The following EIF3F variants were observed in gnomAD, a reference collection of about 807,000 sequenced individuals.
EIF3F encodes the protein eukaryotic translation initiation factor 3 subunit F.
In EIF3F, 8 loss-of-function variants were observed where a neutral mutation model predicts 36.0. The observed-to-expected ratio is 0.22, with a 90% confidence interval of 0.13 to 0.40. The LOEUF is 0.40. EIF3F is among the 10% of genes least tolerant of loss of function. The pLI is 1.00. For missense variants in EIF3F, 430 were observed against 467.6 expected (o/e 0.92, Z 0.74); for synonymous variants, 184 against 188.5 (o/e 0.98, Z 0.19).
intron 7 of EIF3F, 103 bp downstream of exon 7, chr11:7,995,470 A>G (rs1194133381): frequency 1.1e-5 from 11 of 962,100 alleles, no homozygotes; most frequent in Non-Finnish European, 1.9e-5. Flanking sequence ...GGAGTAGGAT[A>G]GAGACAGGGC....
At chr11:7,995,217 A>G (rs1942146866) in intron 6 of EIF3F, 37 bp from the exon 7 acceptor site, 1 of 1,608,240 alleles carries the variant, frequency 6.2e-7, no homozygotes, top group Non-Finnish European at 8.5e-7. Context: ...AGTGGTTATA[A>G]TTAACTGCCT....
At position 7,998,890 on chromosome 11, in the gene EIF3F, C is replaced by T. The variant is rs1025898340; in HGVS notation, c.*2868C>T. 6.6e-6 allele frequency: 1 copy of T among 152,006 alleles called. No individual in the cohort carries two copies. The highest frequency in any genetic ancestry group is 1.5e-5 in the Non-Finnish European group (1 of 68,016). The allele number at this position is 152,006 out of a possible 1,614,324, so 9.4% of individuals were successfully genotyped here. ...TAAATAGCCCAACCTGAACTCATGACCATAGTGTGGTGTTATTACTTAGCG... is the reference window on the plus strand; with the variant it reads ...TAAATAGCCCAACCTGAACTCATGATCATAGTGTGGTGTTATTACTTAGCG... On this transcript the variant is annotated 3_prime_UTR_variant, in exon 8 of 8. Transcript: ENST00000651655.
chr11:7,997,139 A>G lies in EIF3F; in HGVS notation c.*1117A>G, dbSNP rs1299837588. 6.6e-6 allele frequency: 1 copy of G among 152,242 alleles called. No individual in the cohort carries two copies. The highest frequency in any genetic ancestry group is 1.5e-5 in the Non-Finnish European group (1 of 68,040). 9.4% of individuals were successfully genotyped at this position (152,242 alleles called of 1,614,324 possible). On this transcript the variant is annotated 3_prime_UTR_variant, in exon 8 of 8. Transcript: ENST00000651655. ...TACCTCAGGAAATATAAGTTATGGG[A>G]GTCATAAAGTGTGGATAGTAATGAT...
rs918830456 is a variant in EIF3F at position 7,993,142 on chromosome 11, TC to T, written c.653+120del. 1.5e-5 allele frequency: 18 copies of T among 1,175,282 alleles called. No individual in the cohort carries two copies. The African/African-American group carries it at 2.9e-4, about 19-fold the overall frequency. The allele number at this position is 1,175,282 out of a possible 1,614,324, so 72.8% of individuals were successfully genotyped here. A position where few individuals can be genotyped will look rare whatever the true frequency, so the allele number is the denominator to read the frequency against. On this transcript the variant is annotated intron_variant, in intron 4 of 7. Transcript: ENST00000651655. ...CTTGCTGTGTCCTTAGGAAGCCTGT[TC>T]CTCTCTCTCAACAGTTATTCTAAAG... is the stretch of plus-strand genomic sequence containing the variant.
rs912792472 is a variant in EIF3F, at chr11:7,997,792, C to T, written c.*1770C>T. On this transcript the variant is annotated 3_prime_UTR_variant, in exon 8 of 8. Coordinates refer to ENST00000651655, the MANE Select transcript of EIF3F (RefSeq NM_003754.3). ...TGGCTGTCTGTATATGTGGGTTCCA[C>T]ATCTATGGACTCAACCAACTACAGG... 10 of 152,214 alleles carry T rather than the reference C, an allele frequency of 6.6e-5. No individual in the cohort carries two copies. Among genetic ancestry groups the T allele is most frequent in the Non-Finnish European group, 1.5e-5 (1 of 68,032 alleles). 9.4% of individuals were successfully genotyped at this position (152,214 alleles called of 1,614,324 possible).
chr11:7,994,960 C>A (rs768231585), intron 5 of EIF3F, 22 bp from the exon 6 acceptor site: 5 of 1,610,366 alleles, frequency 3.1e-6, no homozygotes, highest in Non-Finnish European at 4.2e-6. Context: ...GCCGCTGCCA[C>A]CCTGCCAACC....
At chr11:7,995,162 T>C (rs2133674408) in intron 6 of EIF3F, 44 bp downstream of exon 6, 2 of 1,608,984 alleles carry the variant, frequency 1.2e-6, no homozygotes, top group Non-Finnish European at 1.7e-6. Flanking sequence ...CATAGTTCTC[T>C]ATCCTGGGAT....
chr11:7,994,738 A>G (rs1273873859), intron 5 of EIF3F: 1 of 687,620 alleles, frequency 1.5e-6, no homozygotes, highest in Non-Finnish European at 2.4e-6. Context: ...CAGAGGCCAC[A>G]TACCATTCAC....
chr11:7,987,395 C>G lies in EIF3F; in HGVS notation c.43C>G (p.Pro15Ala), dbSNP rs1452923914. ...AVPVSAPPATPTPVPAAAPAS... is the reference protein window; with the variant it reads ...AVPVSAPPATATPVPAAAPAS... ...ACCAGTAAGTGCTCCTCCGGCCACG[C>G]CAACCCCAGTCCCGGCGGCGGCCCC... is the stretch of plus-strand genomic sequence containing the variant. The change falls in exon 1 of 8, where the codon CCA becomes GCA. Residue 15 changes from proline to alanine, a missense_variant. Physicochemically the swap from Pro to Ala is conservative, Grantham distance 27 (BLOSUM62 -1). Coordinates refer to ENST00000651655, the MANE Select transcript of EIF3F (RefSeq NM_003754.3). 6.2e-7 allele frequency: 1 copy of G among 1,600,058 alleles called. No homozygotes were observed. Among genetic ancestry groups the G allele is most frequent in the South Asian group, 1.1e-5 (1 of 90,928 alleles).
At chr11:7,994,169 C>A (rs569113336) in intron 4 of EIF3F, among the ~76,000 whole-genome samples, 2 of 152,112 alleles carry the variant, frequency 1.3e-5, no homozygotes. Context: ...GACACTGCAC[C>A]GTGTGTGAAG....
Position 7,987,710 on chromosome 11 carries a change from C to A in EIF3F, c.358C>A (p.Leu120Met). 2 of 1,518,884 alleles carry A rather than the reference C, an allele frequency of 1.3e-6. No individual in the cohort carries two copies. Among genetic ancestry groups the A allele is most frequent in the South Asian group, 2.6e-5 (2 of 77,018 alleles). 94.1% of individuals were successfully genotyped at this position (1,518,884 alleles called of 1,614,324 possible). The change falls in exon 1 of 8, where the codon CTG (leucine) becomes ATG (methionine). Residue 120 changes from leucine (L) to methionine (M), a missense_variant. Physicochemically the swap from Leu to Met is conservative, Grantham distance 15. This residue lies in a region of EIF3F where 262 missense variants were observed against 347.4 expected (regional missense o/e 0.75). Coordinates refer to ENST00000651655, the MANE Select transcript of EIF3F (RefSeq NM_003754.3). The stretch of plus-strand genomic sequence containing the variant: ...GGGTGCTGCCCGAGTTATCGGGACC[C>A]TGTTGGGTGAGTGGTCAGAGAAAGT... Reference protein sequence around the residue: ...NEGAARVIGTLLGTVDKHSVE... With the variant: ...NEGAARVIGTMLGTVDKHSVE...
At chr11:7,988,833 A>G (rs1240707813) in intron 1 of EIF3F, among the ~76,000 whole-genome samples, 2 of 152,182 alleles carry the variant, frequency 1.3e-5, no homozygotes, top group Non-Finnish European at 2.9e-5. Context: ...CTAAATTAAA[A>G]ACTTCTGACT....
chr11:7,991,194 GAA>G (rs917471795), intron 1 of EIF3F, among the ~76,000 whole-genome samples: 12 of 133,844 alleles, frequency 9.0e-5, no homozygotes, highest in African/African-American at 2.4e-4. Flanking sequence ...TTTCGTCTCA[GAA>G]AAAAAAAAAA....
At chr11:7,990,418 A>G (rs1423438894) in intron 1 of EIF3F, among the ~76,000 whole-genome samples, 3 of 152,116 alleles carry the variant, frequency 2.0e-5, no homozygotes, top group Non-Finnish European at 2.9e-5. Context: ...CCATAAAAAA[A>G]TTGGCGTGTA....
At chr11:7,995,674 C>T (rs1942152528) in intron 7 of EIF3F, 2 of 582,986 alleles carry the variant, frequency 3.4e-6, no homozygotes, top group Non-Finnish European at 3.1e-6. Flanking sequence ...TTACTTATTT[C>T]CCCCATCTGA....
At chr11:7,994,553 A>G in intron 5 of EIF3F, 36 bp downstream of exon 5, 6 of 1,583,006 alleles carry the variant, frequency 3.8e-6, no homozygotes, top group Non-Finnish European at 1.7e-6. Context: ...GAGAGGCCAT[A>G]GGCATTTTCA....
At position 7,998,689 on chromosome 11, in the gene EIF3F, T is replaced by C. The variant is rs1442228011; in HGVS notation, c.*2667T>C. 6.6e-6 allele frequency: 1 copy of C among 152,194 alleles called. No homozygotes were observed. The highest frequency in any genetic ancestry group is 1.5e-5 in the Non-Finnish European group (1 of 68,040). The allele number at this position is 152,194 out of a possible 1,614,324, so 9.4% of individuals were successfully genotyped here. ...GAGTCTGCAAAAAATGAGAATTGAC[T>C]ATTATGTGTGTGTATATTATATATA... On this transcript the variant is annotated 3_prime_UTR_variant, in exon 8 of 8. Transcript: ENST00000651655.
Position 7,987,483 on chromosome 11 carries a change from C to T in EIF3F, c.131C>T (p.Ala44Val), listed in dbSNP as rs757388352. ...AAAPVPAAAPASSSDPAAAAA... is the reference protein window; with the variant it reads ...AAAPVPAAAPVSSSDPAAAAA... The stretch of plus-strand genomic sequence containing the variant: ...GCTCCGGTTCCCGCTGCGGCTCCAG[C>T]CTCATCCTCAGACCCTGCGGCAGCA... The change falls in exon 1 of 8, where the codon GCC (alanine) becomes GTC (valine). Residue 44 changes from alanine (A) to valine (V), a missense_variant. By Grantham distance (64) the Ala-to-Val change is moderately conservative. This residue lies in a region of EIF3F where 168 missense variants were observed against 120.2 expected (regional missense o/e 1.40). Transcript: ENST00000651655. 1.0e-5 allele frequency: 16 copies of T among 1,606,822 alleles called. No individual in the cohort carries two copies. The highest frequency in any genetic ancestry group is 1.3e-5 in the African/African-American group (1 of 74,898).
chr11:7,987,370 A>G lies in EIF3F; in HGVS notation c.18A>G (p.Val6=), dbSNP rs1377909980. The G allele has an allele frequency of 1.9e-6, 3 of 1,595,870 alleles. No individual in the cohort carries two copies. Among genetic ancestry groups the G allele is most frequent in the South Asian group, 1.1e-5 (1 of 90,746 alleles). ...TCGACAAGATGGCCACACCGGCGGTACCAGTAAGTGCTCCTCCGGCCACGC... is the reference window on the plus strand; with the variant it reads ...TCGACAAGATGGCCACACCGGCGGTGCCAGTAAGTGCTCCTCCGGCCACGC... The part of the protein sequence containing the change: MATPA[V]PVSAPPATPT... The change falls in exon 1 of 8, where the codon GTA becomes GTG. Residue 6 remains valine (V), a synonymous_variant. Transcript: ENST00000651655.
Sources: allele counts gnomAD v4.1 joint callset (sites outside exome capture counted in the v4.1 genomes callset), GRCh38; gene constraint gnomAD v4.1.1; regional missense constraint gnomAD v4.1.1; transcripts MANE v1.5; gene names NCBI Gene and HGNC (gene_info 2026-07-23, HGNC 2026-07-21).